NLRP7: variants seen among roughly 807,000 people sequenced by gnomAD.
The protein encoded by NLRP7 is NLR family pyrin domain containing 7.
NLRP7 carries 72 observed loss-of-function variants against 85.5 expected under a neutral mutation model. The ratio of observed to expected loss-of-function variants is 0.84; its 90% CI spans 0.70 to 1.02. The LOEUF is 1.02. NLRP7 is among the 50% of genes least tolerant of loss of function. NLRP7 has a pLI of 0.00. For missense variants in NLRP7, 1,243 were observed against 1,219.5 expected (o/e 1.02, Z -0.29); for synonymous variants, 550 against 505.2 (o/e 1.09, Z -1.19).
chr19:54,930,492 C>T lies in NLRP7; in HGVS notation c.2810+7G>A, dbSNP rs762117824. 3.7e-5 allele frequency: 59 copies of T among 1,589,362 alleles called. 1 individual carries two copies. The highest frequency in any genetic ancestry group is 4.4e-5 in the Non-Finnish European group (51 of 1,158,148). On this transcript the variant is annotated splice_region_variant and intron_variant, in intron 9 of 9. Coordinates refer to ENST00000340844, the Ensembl canonical transcript of NLRP7. Reference sequence around the variant, plus strand: ...AAGAAAGAAAGAAGAAAAAGAAAATCGCCTACCGTAGGTGTTTTAGGTTAC... The same window carrying T: ...AAGAAAGAAAGAAGAAAAAGAAAATTGCCTACCGTAGGTGTTTTAGGTTAC...
intron 9 of NLRP7, among the ~76,000 whole-genome samples, chr19:54,928,761 C>A (rs1333472613): frequency 6.6e-6 from 1 of 151,862 alleles, no homozygotes; most frequent in Non-Finnish European, 1.5e-5. Context: ...ATAACTTACA[C>A]GAGGATCCCC....
chr19:54,950,607 C>T (rs1273193743), upstream of NLRP7, among the ~76,000 whole-genome samples: 2 of 152,154 alleles, frequency 1.3e-5, no homozygotes. Context: ...TATGCATACA[C>T]ATAAACATCT....
At chr19:54,962,741 A>C (rs890038366) in intron 1 of NLRP7, among the ~76,000 whole-genome samples, 3 of 151,052 alleles carry the variant, frequency 2.0e-5, no homozygotes, top group African/African-American at 7.3e-5. Flanking sequence ...CTGGGACTAC[A>C]GGCGCCCGCC....
intron 8 of NLRP7, among the ~76,000 whole-genome samples, chr19:54,932,553 C>T (rs190165031): frequency 1.1e-4 from 16 of 152,300 alleles, no homozygotes; most frequent in East Asian, 1.9e-4. Context: ...AGGTAGCTCA[C>T]GCTGGGCTTC....
upstream of NLRP7, among the ~76,000 whole-genome samples, chr19:54,948,315 G>T (rs1040485893): frequency 1.3e-5 from 2 of 152,054 alleles, no homozygotes; most frequent in Non-Finnish European, 2.9e-5. Flanking sequence ...AACTAGGGAG[G>T]TGGAGGGTGA....
At chr19:54,943,615 G>T (rs1331166406) in intron 1 of NLRP7, among the ~76,000 whole-genome samples, 2 of 151,046 alleles carry the variant, frequency 1.3e-5, no homozygotes, top group African/African-American at 2.4e-5. Context: ...GGGGGGGCGG[G>T]GGGAAGAGGC....
At position 54,934,296 on chromosome 19, in the gene NLRP7, C is replaced by T. The variant is rs762592405; in HGVS notation, c.2471+193G>A. Among the ~76,000 whole-genome samples the T allele has an allele frequency of 1.3e-4, 20 of 152,132 alleles. No homozygotes were observed. The highest frequency in any genetic ancestry group is 6.2e-4 in the South Asian group (3 of 4,820). ...TTCACCATGTTGGCCAGGTTGGTCTCGAACTCCTGAACTCAGATGATCCGC... is the reference window on the plus strand; with the variant it reads ...TTCACCATGTTGGCCAGGTTGGTCTTGAACTCCTGAACTCAGATGATCCGC... On this transcript the variant is annotated intron_variant, in intron 7 of 9. Transcript: ENST00000340844. The surrounding 1 kb of genome is among the most constrained non-coding windows in gnomAD (Gnocchi z 6.7).
intron 1 of NLRP7, among the ~76,000 whole-genome samples, chr19:54,959,846 G>A (rs1429222602): frequency 6.6e-6 from 1 of 151,798 alleles, no homozygotes; most frequent in East Asian, 1.9e-4. Flanking sequence ...TCCGTTTTAG[G>A]TCCGCTCCTG....
At chr19:54,944,232 G>A (rs1016536768) in intron 1 of NLRP7, among the ~76,000 whole-genome samples, 1 of 151,820 alleles carries the variant, frequency 6.6e-6, no homozygotes, top group Non-Finnish European at 1.5e-5. Context: ...CTCGTCCCTG[G>A]GCAATGGAAT....
intron 1 of NLRP7, among the ~76,000 whole-genome samples, chr19:54,959,294 A>G (rs1304572246): frequency 5.7e-5 from 8 of 140,332 alleles, no homozygotes; most frequent in African/African-American, 8.0e-5. Flanking sequence ...GCACGCCACC[A>G]TGCCCGGCTA....
intron 5 of NLRP7, among the ~76,000 whole-genome samples, chr19:54,937,741 T>C (rs962122856): frequency 6.7e-6 from 1 of 150,232 alleles, no homozygotes; most frequent in Non-Finnish European, 1.5e-5. Context: ...GTGCTAAAAG[T>C]ACAAAATTAG....
chr19:54,958,208 G>A (rs1238399077), intron 1 of NLRP7, among the ~76,000 whole-genome samples: 1 of 152,032 alleles, frequency 6.6e-6, no homozygotes, highest in African/African-American at 2.4e-5. Flanking sequence ...GACAAAGAAG[G>A]AGAGAGAGAC....
At chr19:54,930,380 C>A in intron 9 of NLRP7, 119 bp downstream of exon 9, 1 of 726,346 alleles carries the variant, frequency 1.4e-6, no homozygotes, top group South Asian at 1.5e-5. Context: ...GAGAACCGAT[C>A]AAGCCTGGAA....
At chr19:54,954,802 A>G (rs1438638470) in intron 1 of NLRP7, among the ~76,000 whole-genome samples, 1 of 151,766 alleles carries the variant, frequency 6.6e-6, no homozygotes, top group Admixed American at 6.6e-5. Context: ...TCAGTGAGCC[A>G]AGATCACGCC....
chr19:54,948,064 C>T (rs917254244), upstream of NLRP7, among the ~76,000 whole-genome samples: 2 of 152,080 alleles, frequency 1.3e-5, no homozygotes, highest in Admixed American at 6.6e-5. Context: ...TAGCAAGATG[C>T]CATCTCTTCA....
At chr19:54,956,780 A>G (rs1464649391) in intron 1 of NLRP7, among the ~76,000 whole-genome samples, 2 of 151,444 alleles carry the variant, frequency 1.3e-5, no homozygotes, top group African/African-American at 4.8e-5. Flanking sequence ...CTGACACCCA[A>G]CACCACGCCT....
In NLRP7 at chr19:54,938,038, A is replaced by G. The variant is rs77313457; in HGVS notation, c.2129+6T>C. On this transcript the variant is annotated splice_donor_region_variant and intron_variant, in intron 5 of 9. Coordinates refer to ENST00000340844, the Ensembl canonical transcript of NLRP7. The stretch of plus-strand genomic sequence containing the variant: ...GGTCTTCCTTGCAAGATGAGCTTCT[A>G]CTTACTCCACTTTCTGCAGATGACA... The G allele has an allele frequency of 6.9e-3, 11,086 of 1,609,746 alleles. 490 individuals are homozygous for G. The African/African-American group carries it at 0.11, about 16-fold the overall frequency.
At chr19:54,925,294 A>T (rs2068383384) in intron 9 of NLRP7, among the ~76,000 whole-genome samples, 1 of 152,176 alleles carries the variant, frequency 6.6e-6, no homozygotes, top group African/African-American at 2.4e-5. Context: ...CCAACAAGAG[A>T]AGCATGACAC....
chr19:54,945,173 G>A (rs1352766708), intron 1 of NLRP7, among the ~76,000 whole-genome samples: 1 of 149,444 alleles, frequency 6.7e-6, no homozygotes, highest in Non-Finnish European at 1.5e-5. Flanking sequence ...AACCTGGGAG[G>A]CGGAGCTTGC....
Sources: gnomAD v4.1 joint callset for allele counts (sites outside exome capture counted in the v4.1 genomes callset) on GRCh38, gnomAD v4.1.1 for gene constraint, Gnocchi (gnomAD v3.1) non-coding constraint, MANE v1.5 for transcripts, NCBI Gene and HGNC (gene_info 2026-07-23, HGNC 2026-07-21) for gene names.